TTC3: variants seen among roughly 807,000 people sequenced by gnomAD.
TTC3 encodes the protein tetratricopeptide repeat domain 3.
Under a neutral mutation model 249.6 loss-of-function variants are expected in TTC3, and 180 were observed. The observed-to-expected ratio is 0.72, with a 90% CI of 0.64 to 0.82. The LOEUF is 0.82. TTC3 is among the 40% of genes least tolerant of loss of function. The pLI, the probability that TTC3 is intolerant of heterozygous loss-of-function variation, is 0.00. For missense variants in TTC3, 2,061 were observed against 2,398.4 expected (o/e 0.86, Z 2.94); for synonymous variants, 717 against 805.0 (o/e 0.89, Z 1.85).
intron 11 of TTC3, among the ~76,000 whole-genome samples, chr21:37,118,851 A>G (rs1481664003): frequency 6.6e-6 from 1 of 152,124 alleles, no homozygotes; most frequent in Non-Finnish European, 1.5e-5. Flanking sequence ...CATCCAATGT[A>G]CTTTTCATCT....
intron 3 of TTC3, 94 bp downstream of exon 3, chr21:37,087,969 C>A: frequency 9.5e-7 from 1 of 1,049,086 alleles, no homozygotes; most frequent in Non-Finnish European, 1.4e-6. Context: ...ATTTATATGC[C>A]TTTTAAAAAT....
At chr21:37,121,847 A>G (rs746590300) in exon 12 of TTC3, 3 of 1,609,326 alleles carry the variant, frequency 1.9e-6, no homozygotes, top group Non-Finnish European at 2.5e-6. Flanking sequence ...TGCTCTTTCT[A>G]TGCTGGGGGA....
intron 5 of TTC3, among the ~76,000 whole-genome samples, chr21:37,089,841 G>A (rs1033959251): frequency 5.9e-5 from 9 of 152,050 alleles, no homozygotes; most frequent in African/African-American, 1.4e-4. Context: ...AAAATTAGCC[G>A]GGTGGTAGTG....
chr21:37,172,802 T>G, intron 35 of TTC3, 58 bp downstream of exon 35: 1 of 1,590,012 alleles, frequency 6.3e-7, no homozygotes, highest in Non-Finnish European at 8.6e-7. Context: ...AGAATGTGAG[T>G]GTAGCTGTGC....
chr21:37,179,460 A>G (rs1344394286), intron 35 of TTC3, among the ~76,000 whole-genome samples: 1 of 152,158 alleles, frequency 6.6e-6, no homozygotes, highest in Non-Finnish European at 1.5e-5. Context: ...AAAAGTTTTT[A>G]CTTTGAGTAC....
intron 1 of TTC3, chr21:37,083,387 A>G (rs111384052): frequency 0.011 from 11,137 of 985,468 alleles, 78 homozygotes; most frequent in East Asian, 0.028. Flanking sequence ...GTAAAGTGAT[A>G]TGATCAGAGT....
intron 1 of TTC3, among the ~76,000 whole-genome samples, chr21:37,076,578 C>T (rs1256394263): frequency 1.3e-5 from 2 of 151,884 alleles, no homozygotes; most frequent in Non-Finnish European, 2.9e-5. Flanking sequence ...GTGCTACTTT[C>T]TTACCTTGTG....
At chr21:37,120,022 C>T (rs965816941) in intron 11 of TTC3, among the ~76,000 whole-genome samples, 1 of 152,098 alleles carries the variant, frequency 6.6e-6, no homozygotes, top group Non-Finnish European at 1.5e-5. Flanking sequence ...ATTGCTTTGA[C>T]CTAGAAAGTA....
intron 40 of TTC3, among the ~76,000 whole-genome samples, chr21:37,191,780 G>T (rs2084152568): frequency 6.6e-6 from 1 of 152,054 alleles, no homozygotes; most frequent in Admixed American, 6.6e-5. Context: ...GTAGAGATGG[G>T]GTCTCTCCAT....
At chr21:37,180,843 TAAAA>T (rs138425939) in intron 35 of TTC3, among the ~76,000 whole-genome samples, 1 of 143,130 alleles carries the variant, frequency 7.0e-6, no homozygotes, top group African/African-American at 2.6e-5. Flanking sequence ...TTAGAAAATG[TAAAA>T]AAAAAAAAAT....
At chr21:37,096,420 G>A (rs765595925) in intron 9 of TTC3, among the ~76,000 whole-genome samples, 161 bp from the exon 10 acceptor site, 194 of 152,284 alleles carry the variant, frequency 1.3e-3, no homozygotes, top group Non-Finnish European at 1.9e-3. Flanking sequence ...GTGAAGGAAC[G>A]GGGACTTCGC....
chr21:37,140,556 TC>T lies in TTC3; in HGVS notation c.1660-4del. On this transcript the variant is annotated splice_polypyrimidine_tract_variant and splice_region_variant and intron_variant, in intron 19 of 45. Transcript: ENST00000355666. ...AAGTGATCATTGTTTTCACTGCTAT[TC>T]AAGGAATTATCTGAAGCCGAAAACC... is the stretch of plus-strand genomic sequence containing the variant. 6.4e-7 allele frequency: 1 copy of T among 1,555,804 alleles called. No individual in the cohort carries two copies. Among genetic ancestry groups the T allele is most frequent in the Non-Finnish European group, 8.7e-7 (1 of 1,152,960 alleles).
At chr21:37,161,306 CCTT>C (rs1237733086) in intron 30 of TTC3, among the ~76,000 whole-genome samples, 2 of 152,248 alleles carry the variant, frequency 1.3e-5, no homozygotes, top group South Asian at 4.1e-4. Context: ...GACAGGGTCT[CCTT>C]CTCTCACCCA....
At chr21:37,114,252 A>G (rs1273730131) in intron 11 of TTC3, among the ~76,000 whole-genome samples, 3 of 152,082 alleles carry the variant, frequency 2.0e-5, no homozygotes, top group Non-Finnish European at 4.4e-5. Context: ...TGAACAGGCA[A>G]CCTACAAAAT....
At chr21:37,195,851 G>T (rs777805681) in exon 42 of TTC3, 1 of 1,614,246 alleles carries the variant, frequency 6.2e-7, no homozygotes, top group Admixed American at 1.7e-5. Flanking sequence ...CCCCTGGTCA[G>T]CCTGAAGCCA....
Position 37,172,269 on chromosome 21 carries a change from CGTT to C in TTC3, c.4468-324_4468-322del, listed in dbSNP as rs577204950. On this transcript the variant is annotated intron_variant, in intron 34 of 45. Coordinates refer to ENST00000355666, the Ensembl canonical transcript of TTC3. ...CAGCTTTTTAAACCTAATAAATAAT[CGTT>C]GGTGTTAATTGTGGAGAGTGACATT... Among the ~76,000 whole-genome samples the C allele has an allele frequency of 1.2e-3, 184 of 152,202 alleles. 2 individuals are homozygous for C. The highest frequency in any genetic ancestry group is 9.7e-4 in the Non-Finnish European group (66 of 68,006).
At chr21:37,129,672 T>C (rs2077315285) in intron 16 of TTC3, among the ~76,000 whole-genome samples, 1 of 152,158 alleles carries the variant, frequency 6.6e-6, no homozygotes, top group Non-Finnish European at 1.5e-5. Flanking sequence ...GCTCTATCAC[T>C]TAGGCTGCGG....
At chr21:37,159,704 C>T (rs757542457) in exon 29 of TTC3, 27 of 1,613,638 alleles carry the variant, frequency 1.7e-5, no homozygotes, top group South Asian at 6.6e-5. Flanking sequence ...TACAGACAGC[C>T]GCTGTACTGT....
chr21:37,089,941 C>T (rs9984911), intron 5 of TTC3, among the ~76,000 whole-genome samples: 68,907 of 151,142 alleles, frequency 0.46, 16,236 homozygotes, highest in Non-Finnish European at 0.52. Context: ...GCTGAGACTG[C>T]GCCACTGCAC....
Sources: allele counts gnomAD v4.1 joint callset (sites outside exome capture counted in the v4.1 genomes callset), GRCh38; gene constraint gnomAD v4.1.1; transcripts MANE v1.5; gene names NCBI Gene and HGNC (gene_info 2026-07-23, HGNC 2026-07-21).